Variants in SLMAP observed in about 807,000 individuals in gnomAD.
SLMAP encodes sarcolemmal membrane-associated protein.
Under a neutral mutation model 128.8 loss-of-function variants are expected in SLMAP, and 44 were observed. The observed-to-expected ratio is 0.34, with a 90% CI of 0.27 to 0.44. The LOEUF is 0.44. Among genes scored for constraint, SLMAP ranks in the 20% least tolerant of loss-of-function variants. SLMAP has a pLI of 1.00. For missense variants in SLMAP, 787 were observed against 985.3 expected (o/e 0.80, Z 2.69); for synonymous variants, 327 against 348.8 (o/e 0.94, Z 0.70).
intron 23 of SLMAP, 136 bp downstream of exon 23, chr3:57,923,159 G>GATAGA (rs1379828651): frequency 5.7e-5 from 48 of 842,418 alleles, no homozygotes; most frequent in Non-Finnish European, 5.2e-5. Context: ...GAAATTCCAT[G>GATAGA]ATAGAATCAT....
intron 2 of SLMAP, among the ~76,000 whole-genome samples, chr3:57,795,195 T>C (rs1488770484): frequency 2.0e-5 from 3 of 152,238 alleles, no homozygotes; most frequent in African/African-American, 7.2e-5. Context: ...TTCATGTCCT[T>C]ATCAGACATT....
intron 2 of SLMAP, among the ~76,000 whole-genome samples, chr3:57,788,974 C>T (rs1476588291): frequency 6.6e-6 from 1 of 152,050 alleles, no homozygotes; most frequent in East Asian, 1.9e-4. Flanking sequence ...CAGTGATGAT[C>T]ATTTGTTTTT....
Position 57,844,155 on chromosome 3 carries a change from C to G in SLMAP, c.419+2784C>G, listed in dbSNP as rs553154553. ...TGCCTGTAATCCCAGCACTTTGGCA[C>G]TCTGAGGCGGACAGATTGCCTGAGC... On this transcript the variant is annotated intron_variant, in intron 4 of 24. Coordinates refer to ENST00000671191, the MANE Select transcript of SLMAP (RefSeq NM_001377540.1). 1.2e-3 allele frequency among the ~76,000 whole-genome samples: 175 copies of G among 152,070 alleles called. 1 individual carries two copies. Among genetic ancestry groups the G allele is most frequent in the African/African-American group, 4.1e-3 (169 of 41,536 alleles).
At chr3:57,849,134 C>T (rs1484014520) in intron 5 of SLMAP, among the ~76,000 whole-genome samples, 1 of 152,122 alleles carries the variant, frequency 6.6e-6, no homozygotes, top group East Asian at 1.9e-4. Flanking sequence ...GGTGATCCAT[C>T]CCCCTCGGCC....
At chr3:57,874,588 G>A (rs2095559769) in intron 14 of SLMAP, among the ~76,000 whole-genome samples, 1 of 151,614 alleles carries the variant, frequency 6.6e-6, no homozygotes, top group African/African-American at 2.4e-5. Context: ...AAGCCAGTGA[G>A]GTGGCTCACG....
intron 2 of SLMAP, among the ~76,000 whole-genome samples, chr3:57,758,119 A>G (rs551055172): frequency 2.0e-4 from 31 of 152,342 alleles, no homozygotes; most frequent in African/African-American, 6.3e-4. Context: ...ATCCCAAACT[A>G]GATAGTGAAA....
At chr3:57,860,912 T>C in intron 9 of SLMAP, 73 bp downstream of exon 9, 1 of 1,247,284 alleles carries the variant, frequency 8.0e-7, no homozygotes, top group Non-Finnish European at 1.1e-6. Flanking sequence ...TCCAGGATAC[T>C]TTAAACTTGG....
intron 22 of SLMAP, among the ~76,000 whole-genome samples, chr3:57,920,528 A>G (rs1318107525): frequency 6.6e-6 from 1 of 152,082 alleles, no homozygotes; most frequent in Non-Finnish European, 1.5e-5. Flanking sequence ...AGGTGTTTAC[A>G]TTTTTCAGAA....
In SLMAP at chr3:57,917,040, G is replaced by A. The variant is rs1340556850; in HGVS notation, c.2273G>A (p.Ser758Asn). The change falls in exon 22 of 25, where the codon AGT becomes AAT. Residue 758 changes from serine (S) to asparagine (N), a missense_variant. Ser to Asn is a conservative substitution (Grantham distance 46). Transcript: ENST00000671191. ...TCAGCTGATTTAAAAACTCTTCTCA[G>A]TAAGGCAGAAAACCAAGCAAAGGAT... ...RDSADLKTLL[S>N]KAENQAKDVQ... 1.9e-6 allele frequency: 3 copies of A among 1,613,804 alleles called. No individual in the cohort carries two copies. The African/African-American group carries it at 4.0e-5, about 22-fold the overall frequency.
intron 3 of SLMAP, 62 bp from the exon 4 acceptor site, chr3:57,841,237 G>A: frequency 1.1e-6 from 1 of 931,080 alleles, no homozygotes; most frequent in Non-Finnish European, 1.7e-6. Context: ...ACATATGAGA[G>A]GTGTGAAGTT....
Position 57,757,504 on chromosome 3 carries a change from A to T in SLMAP, c.-148A>T. 1.5e-6 allele frequency: 1 copy of T among 687,666 alleles called. No individual in the cohort carries two copies. Among genetic ancestry groups the T allele is most frequent in the East Asian group, 2.7e-5 (1 of 36,886 alleles). The allele number at this position is 687,666 out of a possible 1,614,324, so 42.6% of individuals were successfully genotyped here. On this transcript the variant is annotated 5_prime_UTR_variant, in exon 2 of 25. The change abolishes an upstream ATG in the 5' untranslated region. Transcript: ENST00000671191. ...GTCTTCCCACCCAAGTGAAGAGTTGATGTTCACTGGTTATGCTTAGACAAT... is the reference window on the plus strand; with the variant it reads ...GTCTTCCCACCCAAGTGAAGAGTTGTTGTTCACTGGTTATGCTTAGACAAT...
intron 2 of SLMAP, among the ~76,000 whole-genome samples, chr3:57,823,855 A>G (rs538425736): frequency 2.0e-5 from 3 of 152,246 alleles, no homozygotes; most frequent in Admixed American, 6.5e-5. Context: ...AAGTGTTCCT[A>G]TTTCTCCACA....
chr3:57,833,263 CATTATAGA>C (rs1465463938), intron 3 of SLMAP, among the ~76,000 whole-genome samples: 7 of 152,106 alleles, frequency 4.6e-5, no homozygotes, highest in African/African-American at 1.7e-4. Context: ...AGGAGGTGGC[CATTATAGA>C]ATGCAACTCT....
chr3:57,885,684 G>T (rs1415515626), intron 14 of SLMAP, among the ~76,000 whole-genome samples: 6 of 151,338 alleles, frequency 4.0e-5, no homozygotes, highest in Non-Finnish European at 5.9e-5. Context: ...CTCCCAAAGT[G>T]CTGGGATTAC....
chr3:57,809,319 C>T (rs1013606318), intron 2 of SLMAP, among the ~76,000 whole-genome samples: 5 of 152,234 alleles, frequency 3.3e-5, no homozygotes, highest in African/African-American at 1.2e-4. Context: ...CTGCTGTTGG[C>T]GCCCATTTGA....
intron 17 of SLMAP, chr3:57,898,899 C>T (rs1331492565): frequency 3.3e-5 from 5 of 152,056 alleles, no homozygotes; most frequent in Non-Finnish European, 7.4e-5. Flanking sequence ...CGAAAACCAA[C>T]TTTATAGGTT....
intron 3 of SLMAP, among the ~76,000 whole-genome samples, chr3:57,838,282 A>G (rs867193006): frequency 9.8e-5 from 15 of 152,366 alleles, no homozygotes; most frequent in African/African-American, 3.6e-4. Flanking sequence ...CATCCTCTAG[A>G]AACTCATTTA....
intron 2 of SLMAP, among the ~76,000 whole-genome samples, chr3:57,763,480 G>A (rs758620359): frequency 6.6e-6 from 1 of 151,974 alleles, no homozygotes; most frequent in Non-Finnish European, 1.5e-5. Flanking sequence ...TCACCATGTT[G>A]CACAAGCTGG....
intron 2 of SLMAP, among the ~76,000 whole-genome samples, chr3:57,830,059 G>T (rs2093228923): frequency 6.6e-6 from 1 of 152,142 alleles, no homozygotes; most frequent in South Asian, 2.1e-4. Context: ...TTTTGAGATG[G>T]AGTCTCGCTC....
Sources: gnomAD v4.1 joint callset for allele counts (sites outside exome capture counted in the v4.1 genomes callset) on GRCh38, gnomAD v4.1.1 for gene constraint, MANE v1.5 for transcripts, NCBI Gene and HGNC (gene_info 2026-07-23, HGNC 2026-07-21) for gene names.